The following PIWIL1 variants were observed in gnomAD, a reference collection of about 807,000 sequenced individuals.
PIWIL1 encodes piwi like RNA-mediated gene silencing 1.
In PIWIL1, 73 loss-of-function variants were observed where a neutral mutation model predicts 114.4. The ratio of observed to expected loss-of-function variants is 0.64; its 90% CI spans 0.53 to 0.78. The LOEUF (loss-of-function observed/expected upper bound fraction) is 0.78, where lower values mean the gene tolerates loss of function less well. Ranked by LOEUF, PIWIL1 falls within the 30% of genes least tolerant of loss-of-function variation. The pLI is 0.00. For synonymous variants in PIWIL1, 375 were observed against 369.0 expected, an observed-to-expected ratio of 1.02 and a Z score of -0.19; for missense variants, 723 against 1,063.1, an observed-to-expected ratio of 0.68 and a Z score of 4.45.
At chr12:130,342,277 T>G (rs1202285422) in intron 1 of PIWIL1, 1 of 353,000 alleles carries the variant, frequency 2.8e-6, no homozygotes, top group Admixed American at 4.2e-5. Flanking sequence ...TCCTAATTCT[T>G]TCAGCACTTT....
At chr12:130,347,332 G>A (rs530647224) in intron 6 of PIWIL1, among the ~76,000 whole-genome samples, 3 of 152,308 alleles carry the variant, frequency 2.0e-5, no homozygotes, top group East Asian at 1.9e-4. Flanking sequence ...GAGCTATTGC[G>A]AACTTGGTAT....
intron 9 of PIWIL1, among the ~76,000 whole-genome samples, chr12:130,350,211 G>A (rs955581238): frequency 8.5e-5 from 13 of 152,264 alleles, no homozygotes; most frequent in African/African-American, 2.4e-4. Context: ...GAAAGCTTAC[G>A]TTTGAATTGA....
chr12:130,371,063 G>A (rs1328588138), intron 19 of PIWIL1, 113 bp from the exon 20 acceptor site: 1 of 839,918 alleles, frequency 1.2e-6, no homozygotes, highest in South Asian at 1.6e-5. Flanking sequence ...GAGAAGAGAT[G>A]AGGTTACTGT....
the PIWIL1 span, among the ~76,000 whole-genome samples, chr12:130,407,308 G>A: frequency 6.6e-6 from 1 of 152,146 alleles, no homozygotes; most frequent in African/African-American, 2.4e-5. Flanking sequence ...GCTGTGCCAG[G>A]CGACACAACC....
chr12:130,422,334 AAC>A, the PIWIL1 span: 923 of 604,368 alleles, frequency 1.5e-3, 6 homozygotes, highest in African/African-American at 0.015. The surrounding 1 kb of genome is among the most constrained non-coding windows in gnomAD (Gnocchi z 5.2). Flanking sequence ...TGCCATGAAT[AAC>A]AGTGTTCTTT....
At chr12:130,375,283 C>T (rs967634985), downstream of PIWIL1, among the ~76,000 whole-genome samples, 5 of 152,120 alleles carry the variant, frequency 3.3e-5, no homozygotes, top group Admixed American at 2.6e-4. Flanking sequence ...AGCACGCAAC[C>T]CTGTGTAATT....
chr12:130,351,882 T>A (rs1233883256), intron 9 of PIWIL1, among the ~76,000 whole-genome samples: 1 of 152,178 alleles, frequency 6.6e-6, no homozygotes, highest in Admixed American at 6.6e-5. Context: ...TTCTTCTTCT[T>A]CCCCTTCCCC....
chr12:130,339,277 C>T (rs1320987421), intron 1 of PIWIL1, among the ~76,000 whole-genome samples: 1 of 152,170 alleles, frequency 6.6e-6, no homozygotes, highest in Non-Finnish European at 1.5e-5. Context: ...CGGTGGCGTC[C>T]TGGGATGGAT....
the PIWIL1 span, chr12:130,424,393 G>A: frequency 1.2e-4 from 142 of 1,232,538 alleles, 1 homozygote; most frequent in East Asian, 1.1e-3. This position sits in a 1 kb window ranked among gnomAD's most constrained non-coding sequence, Gnocchi z 9.8. Flanking sequence ...GTCCGCCGCC[G>A]GGCCAGCAGC....
chr12:130,357,393 CG>C, intron 13 of PIWIL1, 87 bp from the exon 14 acceptor site: 1 of 947,254 alleles, frequency 1.1e-6, no homozygotes, highest in Non-Finnish European at 1.7e-6. Flanking sequence ...TATACGGAAA[CG>C]TTTCCTGTGT....
At chr12:130,348,261 T>G (rs1319133925) in intron 7 of PIWIL1, 78 bp downstream of exon 7, 1 of 772,360 alleles carries the variant, frequency 1.3e-6, no homozygotes, top group Non-Finnish European at 2.2e-6. Context: ...TTTGAAATGG[T>G]CAAATTTACT....
At chr12:130,394,336 C>T in the PIWIL1 span, among the ~76,000 whole-genome samples, 2 of 152,208 alleles carry the variant, frequency 1.3e-5, no homozygotes, top group Non-Finnish European at 2.9e-5. Context: ...AGTCCGACTG[C>T]AACAGTGAGC....
At chr12:130,403,328 A>T in the PIWIL1 span, among the ~76,000 whole-genome samples, 1 of 152,200 alleles carries the variant, frequency 6.6e-6, no homozygotes, top group Non-Finnish European at 1.5e-5. Flanking sequence ...CATACGTTTC[A>T]TATTAATTTA....
the PIWIL1 span, chr12:130,383,984 C>T: frequency 6.6e-6 from 1 of 152,162 alleles, no homozygotes; most frequent in Admixed American, 6.5e-5. Flanking sequence ...TCATGAACAT[C>T]TTTTGTGTCA....
At chr12:130,381,970 G>C in the PIWIL1 span, among the ~76,000 whole-genome samples, 1 of 152,150 alleles carries the variant, frequency 6.6e-6, no homozygotes, top group African/African-American at 2.4e-5. Flanking sequence ...TACCTGTTAA[G>C]GTTTTTGGCC....
Position 130,338,052 on chromosome 12 carries a change from C to A in PIWIL1, c.-107C>A, listed in dbSNP as rs981613497. ...CGGGCCGAAGGAGGTCCTGGGAGGTCGGCGGCGCGGAGGGATCTCCGCGGG... is the reference window on the plus strand; with the variant it reads ...CGGGCCGAAGGAGGTCCTGGGAGGTAGGCGGCGCGGAGGGATCTCCGCGGG... On this transcript the variant is annotated 5_prime_UTR_variant, in exon 1 of 21. Coordinates refer to ENST00000245255, the MANE Select transcript of PIWIL1 (RefSeq NM_004764.5). 5.6e-6 allele frequency: 1 copy of A among 178,126 alleles called. No homozygotes were observed. Among genetic ancestry groups the A allele is most frequent in the African/African-American group, 2.4e-5 (1 of 41,570 alleles). The allele number at this position is 178,126 out of a possible 1,614,324, so 11.0% of individuals were successfully genotyped here. A position where few individuals can be genotyped will look rare whatever the true frequency, so the allele number is the denominator to read the frequency against.
At chr12:130,390,231 G>A in the PIWIL1 span, among the ~76,000 whole-genome samples, 1 of 152,104 alleles carries the variant, frequency 6.6e-6, no homozygotes, top group Non-Finnish European at 1.5e-5. Context: ...TCATTTCCAG[G>A]TTTTGGAATG....
the PIWIL1 span, among the ~76,000 whole-genome samples, chr12:130,413,769 C>A: frequency 6.6e-6 from 1 of 152,122 alleles, no homozygotes; most frequent in African/African-American, 2.4e-5. Flanking sequence ...TTTTCCCTCC[C>A]TTTCCCTCTC....
the PIWIL1 span, among the ~76,000 whole-genome samples, chr12:130,381,013 TC>T: frequency 3.9e-5 from 6 of 152,172 alleles, no homozygotes; most frequent in South Asian, 2.1e-4. Flanking sequence ...TCCTATGTGT[TC>T]CCCTCACCCA....
Sources: gnomAD v4.1 joint callset for allele counts (sites outside exome capture counted in the v4.1 genomes callset) on GRCh38, gnomAD v4.1.1 for gene constraint, Gnocchi (gnomAD v3.1) non-coding constraint, MANE v1.5 for transcripts, NCBI Gene and HGNC (gene_info 2026-07-23, HGNC 2026-07-21) for gene names.